Variants in SPATA6 observed in about 807,000 individuals in gnomAD.
The protein encoded by SPATA6 is spermatogenesis associated 6, also known as spermatogenesis-associated protein 6.
SPATA6 carries 56 observed loss-of-function variants against 65.3 expected under a neutral mutation model. The observed-to-expected ratio is 0.86, with a 90% CI of 0.69 to 1.07. The LOEUF is 1.07. Among genes scored for constraint, SPATA6 ranks in the 50% least tolerant of loss-of-function variants. SPATA6 has a pLI of 0.00. For synonymous variants in SPATA6, 199 were observed against 213.2 expected (o/e 0.93, Z 0.58); for missense variants, 590 against 594.8 (o/e 0.99, Z 0.08).
chr1:48,292,539 T>C (rs961606901), downstream of SPATA6, among the ~76,000 whole-genome samples: 1 of 152,194 alleles, frequency 6.6e-6, no homozygotes, highest in Non-Finnish European at 1.5e-5. Context: ...TGGTGGCAAG[T>C]ATGCCTGTGG....
chr1:48,340,147 G>A (rs1646169577), intron 11 of SPATA6, among the ~76,000 whole-genome samples: 2 of 144,900 alleles, frequency 1.4e-5, no homozygotes, highest in African/African-American at 5.2e-5. Flanking sequence ...TGCCAAAGTA[G>A]ACATCTATAC....
At chr1:48,428,225 C>T (rs1015065669) in intron 3 of SPATA6, among the ~76,000 whole-genome samples, 1 of 152,140 alleles carries the variant, frequency 6.6e-6, no homozygotes, top group African/African-American at 2.4e-5. Flanking sequence ...GAGACTGAGC[C>T]AGGCAGATCA....
At chr1:48,267,986 C>T in the SPATA6 span, among the ~76,000 whole-genome samples, 21 of 151,820 alleles carry the variant, frequency 1.4e-4, no homozygotes, top group African/African-American at 3.9e-4. Flanking sequence ...CTCCTGACCT[C>T]GTGATCCACC....
intron 8 of SPATA6, among the ~76,000 whole-genome samples, chr1:48,390,927 G>A (rs185951522): frequency 3.3e-5 from 5 of 152,110 alleles, no homozygotes; most frequent in East Asian, 1.9e-4. Context: ...CATTTTACAC[G>A]AGGTCAACTT....
At chr1:48,355,145 C>T (rs1430910619) in intron 11 of SPATA6, among the ~76,000 whole-genome samples, 2 of 152,068 alleles carry the variant, frequency 1.3e-5, no homozygotes, top group Non-Finnish European at 2.9e-5. Context: ...TATATGAATG[C>T]TTATCTGCTT....
chr1:48,371,270 T>TATAGATAG (rs59198017), intron 9 of SPATA6, among the ~76,000 whole-genome samples: 9,648 of 131,550 alleles, frequency 0.073, 335 homozygotes, highest in Middle Eastern at 0.12. Context: ...TATGTATCTA[T>TATAGATAG]ATAGATAGAT....
At chr1:48,280,042 T>C in the SPATA6 span, among the ~76,000 whole-genome samples, 4 of 151,944 alleles carry the variant, frequency 2.6e-5, no homozygotes, top group African/African-American at 4.8e-5. Context: ...TGAAAACCGC[T>C]CAACTACATG....
the SPATA6 span, among the ~76,000 whole-genome samples, chr1:48,278,587 G>A: frequency 2.0e-5 from 3 of 152,124 alleles, no homozygotes; most frequent in Non-Finnish European, 4.4e-5. Context: ...TATCAGTGAT[G>A]GAAGACGAAA....
intron 11 of SPATA6, among the ~76,000 whole-genome samples, chr1:48,319,630 G>A (rs1645542484): frequency 6.6e-6 from 1 of 152,142 alleles, no homozygotes; most frequent in African/African-American, 2.4e-5. Flanking sequence ...GCAGGAAAGG[G>A]ATGACTAAAT....
At chr1:48,341,491 G>T (rs1419618982) in intron 11 of SPATA6, among the ~76,000 whole-genome samples, 1 of 152,158 alleles carries the variant, frequency 6.6e-6, no homozygotes, top group Admixed American at 6.6e-5. Context: ...TCAGCTATCA[G>T]ATTGACTGTG....
chr1:48,434,946 T>C (rs1227718584), intron 3 of SPATA6, among the ~76,000 whole-genome samples: 12 of 151,546 alleles, frequency 7.9e-5, no homozygotes, highest in Admixed American at 7.2e-4. Context: ...GCTTTTAATA[T>C]CATGGGCATT....
intron 9 of SPATA6, among the ~76,000 whole-genome samples, chr1:48,363,942 C>G (rs1016417901): frequency 2.0e-5 from 3 of 151,806 alleles, no homozygotes; most frequent in Admixed American, 1.3e-4. Context: ...TTAATGCTAT[C>G]CCTCCCCCCT....
At chr1:48,425,580 A>G (rs1442790110) in intron 3 of SPATA6, among the ~76,000 whole-genome samples, 1 of 152,200 alleles carries the variant, frequency 6.6e-6, no homozygotes, top group Non-Finnish European at 1.5e-5. Flanking sequence ...ACAGTAATTA[A>G]GAAAGTATAA....
intron 8 of SPATA6, among the ~76,000 whole-genome samples, chr1:48,390,164 A>G (rs1009626805): frequency 6.6e-6 from 1 of 152,164 alleles, no homozygotes; most frequent in African/African-American, 2.4e-5. Flanking sequence ...AATCAACCTA[A>G]CTGTTCATCA....
intron 1 of SPATA6, among the ~76,000 whole-genome samples, chr1:48,462,211 G>A (rs1321680999): frequency 6.6e-6 from 1 of 151,922 alleles, no homozygotes; most frequent in East Asian, 1.9e-4. Context: ...GGGGGAGCGG[G>A]GAGGGATAGC....
chr1:48,359,072 C>T (rs1646736508), intron 10 of SPATA6, among the ~76,000 whole-genome samples: 1 of 152,160 alleles, frequency 6.6e-6, no homozygotes, highest in Non-Finnish European at 1.5e-5. Flanking sequence ...ATTTATTTCA[C>T]ATCCAAATTA....
chr1:48,364,701 C>T (rs1646938391), intron 9 of SPATA6, among the ~76,000 whole-genome samples: 4 of 152,148 alleles, frequency 2.6e-5, no homozygotes, highest in Admixed American at 2.6e-4. Context: ...GATGTTAGCC[C>T]TTTGGCAGAT....
intron 11 of SPATA6, among the ~76,000 whole-genome samples, chr1:48,345,684 AAAC>A (rs1333976834): frequency 2.0e-5 from 3 of 152,146 alleles, no homozygotes; most frequent in Non-Finnish European, 2.9e-5. Context: ...ACAGAAATGA[AAAC>A]AACCATCAGA....
intron 4 of SPATA6, 60 bp downstream of exon 4, chr1:48,413,050 T>TTATATATAATA (rs1192537778): frequency 8.3e-6 from 4 of 482,246 alleles, no homozygotes; most frequent in Non-Finnish European, 1.3e-5. Context: ...ATATAATATA[T>TTATATATAATA]TATATATTAC....
Sources: allele counts gnomAD v4.1 joint callset (sites outside exome capture counted in the v4.1 genomes callset), GRCh38; gene constraint gnomAD v4.1.1; transcripts MANE v1.5; gene names NCBI Gene and HGNC (gene_info 2026-07-23, HGNC 2026-07-21).